Variants in ATXN1 observed in about 807,000 individuals in gnomAD.
ATXN1 encodes the protein ataxin-1.
Under a neutral mutation model 56.4 loss-of-function variants are expected in ATXN1, and 8 were observed. The ratio of observed to expected loss-of-function variants is 0.14; its 90% CI spans 0.08 to 0.26. The LOEUF is 0.26. ATXN1 is among the 10% of genes least tolerant of loss of function. The probability of loss-of-function intolerance (pLI) is 1.00; values close to 1 mark genes in which losing one functional copy is unlikely to be tolerated. For missense variants in ATXN1, 987 were observed against 1,106.5 expected (o/e 0.89, Z 1.53); for synonymous variants, 514 against 494.6 (o/e 1.04, Z -0.52).
chr6:16,572,074 A>T (rs1018594609), intron 4 of ATXN1, among the ~76,000 whole-genome samples: 1 of 152,196 alleles, frequency 6.6e-6, no homozygotes, highest in Non-Finnish European at 1.5e-5. Flanking sequence ...AGTTCTCAGC[A>T]TCATAAAGGT....
intron 3 of ATXN1, among the ~76,000 whole-genome samples, chr6:16,604,588 CTTTTT>C (rs376581013): frequency 7.5e-6 from 1 of 132,698 alleles, no homozygotes; most frequent in African/African-American, 2.8e-5. Flanking sequence ...TGTTTCTCTT[CTTTTT>C]TTTTTTTTTT....
intron 6 of ATXN1, among the ~76,000 whole-genome samples, chr6:16,440,719 C>G (rs1348900984): frequency 1.3e-5 from 2 of 151,036 alleles, no homozygotes; most frequent in Non-Finnish European, 2.9e-5. Context: ...AAAGGTAGCA[C>G]AGTTTAAAAA....
chr6:16,654,687 A>C (rs565426772), intron 3 of ATXN1, among the ~76,000 whole-genome samples: 21 of 152,306 alleles, frequency 1.4e-4, no homozygotes, highest in African/African-American at 5.1e-4. Context: ...CAACTGTCTT[A>C]ATCAAACCTC....
In ATXN1 at chr6:16,687,380, A is replaced by G. The variant is rs536062286; in HGVS notation, c.-614-29479T>C. On this transcript the variant is annotated intron_variant, in intron 2 of 7. Coordinates refer to ENST00000436367, the MANE Select transcript of ATXN1 (RefSeq NM_001128164.2). ...CACCTAAACTTAAACTCTGAAAAGT[A>G]CAATGTATTAAGAAACAGGAAAAAA... Among the ~76,000 whole-genome samples, 9 of 152,282 alleles carry G rather than the reference A, an allele frequency of 5.9e-5. No individual in the cohort carries two copies. In the South Asian group the frequency reaches 1.2e-3, roughly 21 times the overall value.
chr6:16,659,548 T>C (rs1357753614), intron 2 of ATXN1, among the ~76,000 whole-genome samples: 1 of 152,240 alleles, frequency 6.6e-6, no homozygotes, highest in Non-Finnish European at 1.5e-5. Context: ...TGACGTTTCA[T>C]TCCAATGTCT....
chr6:16,727,541 C>T (rs566333491), intron 2 of ATXN1, among the ~76,000 whole-genome samples: 1 of 152,098 alleles, frequency 6.6e-6, no homozygotes, highest in Non-Finnish European at 1.5e-5. Flanking sequence ...AAATGATCAT[C>T]AAATTACTTA....
chr6:16,758,501 T>A (rs1316771906), intron 1 of ATXN1, among the ~76,000 whole-genome samples: 2 of 152,216 alleles, frequency 1.3e-5, no homozygotes, highest in African/African-American at 4.8e-5. Context: ...TTTATAAAAG[T>A]TGAGTAGCTA....
intron 6 of ATXN1, among the ~76,000 whole-genome samples, chr6:16,406,794 C>T (rs559087862): frequency 6.6e-6 from 1 of 152,284 alleles, no homozygotes; most frequent in African/African-American, 2.4e-5. Context: ...GCTTTTGCTG[C>T]TTTTAAAAAG....
intron 6 of ATXN1, among the ~76,000 whole-genome samples, chr6:16,437,003 G>C (rs1759407535): frequency 6.6e-6 from 1 of 152,196 alleles, no homozygotes. Flanking sequence ...AACAACTGTG[G>C]CCTGAGTAAC....
chr6:16,612,018 C>T (rs1025206000), intron 3 of ATXN1, among the ~76,000 whole-genome samples: 1 of 151,734 alleles, frequency 6.6e-6, no homozygotes, highest in East Asian at 1.9e-4. Context: ...CGCCACCACA[C>T]CCGGCTAATT....
chr6:16,341,789 G>A (rs187810678), intron 6 of ATXN1, among the ~76,000 whole-genome samples: 2,194 of 151,816 alleles, frequency 0.014, 27 homozygotes, highest in Non-Finnish European at 0.022. Flanking sequence ...AAAGTACTGG[G>A]ATTATAGGCG....
intron 5 of ATXN1, among the ~76,000 whole-genome samples, chr6:16,514,707 T>C (rs1761146045): frequency 6.6e-6 from 1 of 152,070 alleles, no homozygotes; most frequent in Non-Finnish European, 1.5e-5. Context: ...TCTCATGGGA[T>C]GACACTGTTA....
intron 6 of ATXN1, chr6:16,485,237 T>C (rs1202047207): frequency 2.0e-5 from 3 of 152,086 alleles, no homozygotes; most frequent in Non-Finnish European, 4.4e-5. Flanking sequence ...ACAAGGTAAA[T>C]TCTCTAGAAA....
chr6:16,696,904 TG>T (rs1455269552), intron 2 of ATXN1, among the ~76,000 whole-genome samples: 1 of 152,196 alleles, frequency 6.6e-6, no homozygotes, highest in African/African-American at 2.4e-5. Flanking sequence ...AGACTAGATG[TG>T]TGTTGTGGAA....
At chr6:16,366,563 T>C (rs1761924622) in intron 6 of ATXN1, among the ~76,000 whole-genome samples, 1 of 152,082 alleles carries the variant, frequency 6.6e-6, no homozygotes, top group Non-Finnish European at 1.5e-5. Context: ...GGTGGATCAC[T>C]TGAGGTCAGG....
At chr6:16,703,076 C>A (rs1254588268) in intron 2 of ATXN1, among the ~76,000 whole-genome samples, 1 of 152,090 alleles carries the variant, frequency 6.6e-6, no homozygotes, top group Admixed American at 6.6e-5. Flanking sequence ...GACTTGGAAC[C>A]AACCCAAATG....
chr6:16,426,122 A>C (rs1382221247), intron 6 of ATXN1, among the ~76,000 whole-genome samples: 2 of 152,162 alleles, frequency 1.3e-5, no homozygotes, highest in Admixed American at 1.3e-4. Flanking sequence ...TGGAAAGGGG[A>C]TCAGTTGGGG....
At chr6:16,431,647 C>G (rs911169638) in intron 6 of ATXN1, among the ~76,000 whole-genome samples, 2 of 152,160 alleles carry the variant, frequency 1.3e-5, no homozygotes, top group African/African-American at 4.8e-5. Context: ...TGCATAGTCT[C>G]TCATTTAATT....
At chr6:16,466,483 G>A (rs1478862544) in intron 6 of ATXN1, among the ~76,000 whole-genome samples, 1 of 152,110 alleles carries the variant, frequency 6.6e-6, no homozygotes, top group African/African-American at 2.4e-5. Context: ...GATATTGGCA[G>A]AAAAGAGAAA....
Sources: allele counts gnomAD v4.1 joint callset (sites outside exome capture counted in the v4.1 genomes callset), GRCh38; gene constraint gnomAD v4.1.1; transcripts MANE v1.5; gene names NCBI Gene and HGNC (gene_info 2026-07-23, HGNC 2026-07-21).